RHOQ: variants seen among roughly 807,000 people sequenced by gnomAD.
The protein encoded by RHOQ is ras homolog family member Q.
Under a neutral mutation model 25.8 loss-of-function variants are expected in RHOQ, and 7 were observed. The observed-to-expected ratio is 0.27, with a 90% CI of 0.15 to 0.51. The LOEUF (loss-of-function observed/expected upper bound fraction) is 0.51, where lower values mean the gene tolerates loss of function less well. RHOQ is among the 20% of genes least tolerant of loss of function. RHOQ has a pLI of 0.97. For missense variants in RHOQ, 165 were observed against 260.6 expected, an observed-to-expected ratio of 0.63 and a Z score of 2.53; for synonymous variants, 97 against 98.6, an observed-to-expected ratio of 0.98 and a Z score of 0.10.
rs1478425709 is a variant in RHOQ, at chr2:46,583,958, T to C, written c.*2875T>C. ...CTCCCTGAAATTTTATTTAATACTT[T>C]GCTAACTTACACTCTTGTTTTATCT... On this transcript the variant is annotated 3_prime_UTR_variant, in exon 5 of 5. Coordinates refer to ENST00000238738, the MANE Select transcript of RHOQ (RefSeq NM_012249.4). Among the ~76,000 whole-genome samples the C allele has an allele frequency of 6.6e-6, 1 of 152,226 alleles. No homozygotes were observed. Among genetic ancestry groups the C allele is most frequent in the Admixed American group, 6.5e-5 (1 of 15,284 alleles).
intron 2 of RHOQ, among the ~76,000 whole-genome samples, chr2:46,553,056 G>A (rs914650631): frequency 6.6e-6 from 1 of 152,120 alleles, no homozygotes; most frequent in African/African-American, 2.4e-5. Flanking sequence ...GGATTTCCTG[G>A]GAACTTGTTA....
intron 4 of RHOQ, among the ~76,000 whole-genome samples, chr2:46,579,847 A>G (rs1669283082): frequency 6.6e-6 from 1 of 151,912 alleles, no homozygotes; most frequent in South Asian, 2.1e-4. Context: ...CTGTCTCAAA[A>G]AAAAAAAAAA....
chr2:46,576,298 T>C lies in RHOQ; in HGVS notation c.366+47T>C. On this transcript the variant is annotated intron_variant, in intron 3 of 4. Transcript: ENST00000238738. The surrounding 1 kb of genome is among the most constrained non-coding windows in gnomAD (Gnocchi z 5.1). ...GCATTTTAGAATAAGCTCTTTGGTC[T>C]GTCGTAGAGGCTGCTCTCAGACAAA... is the stretch of plus-strand genomic sequence containing the variant. 1.3e-6 allele frequency: 2 copies of C among 1,488,848 alleles called. No individual in the cohort carries two copies. The highest frequency in any genetic ancestry group is 1.8e-6 in the Non-Finnish European group (2 of 1,084,168). 92.2% of individuals were successfully genotyped at this position (1,488,848 alleles called of 1,614,324 possible).
At chr2:46,543,390 C>T in intron 1 of RHOQ, 1 of 616,512 alleles carries the variant, frequency 1.6e-6, no homozygotes, top group Non-Finnish European at 2.8e-6. Flanking sequence ...CTCCCACCCG[C>T]CCCCTACGCG....
Position 46,555,551 on chromosome 2 carries a change from CTTT to C in RHOQ, c.201+11740_201+11742del, listed in dbSNP as rs1668387266. Among the ~76,000 whole-genome samples, 1 of 152,180 alleles carries C rather than the reference CTTT, an allele frequency of 6.6e-6. No individual in the cohort carries two copies. The highest frequency in any genetic ancestry group is 1.5e-5 in the Non-Finnish European group (1 of 68,044). ...GACCTGTCTGGACATTATTGAGTGG[CTTT>C]AAAGCAGGTTATAGGTGGCGATTTG... On this transcript the variant is annotated intron_variant, in intron 2 of 4. Coordinates refer to ENST00000238738, the MANE Select transcript of RHOQ (RefSeq NM_012249.4). The surrounding 1 kb of genome is among the most constrained non-coding windows in gnomAD (Gnocchi z 4.3).
In RHOQ at chr2:46,556,954, G is replaced by C. The variant is rs1668427897; in HGVS notation, c.201+13142G>C. On this transcript the variant is annotated intron_variant, in intron 2 of 4. Transcript: ENST00000238738. This position sits in a 1 kb window ranked among gnomAD's most constrained non-coding sequence, Gnocchi z 4.9. ...TCAGCCTATAAATGAGGTTGCCAAA[G>C]AGTTAATCTACCATGTAGCCCCAGT... Among the ~76,000 whole-genome samples, 1 of 152,166 alleles carries C rather than the reference G, an allele frequency of 6.6e-6. No individual in the cohort carries two copies. Among genetic ancestry groups the C allele is most frequent in the African/African-American group, 2.4e-5 (1 of 41,424 alleles).
chr2:46,567,367 C>A lies in RHOQ; in HGVS notation c.202-8720C>A, dbSNP rs142051420. 9.2e-3 allele frequency among the ~76,000 whole-genome samples: 1,395 copies of A among 151,856 alleles called. 8 individuals are homozygous for A. The highest frequency in any genetic ancestry group is 0.015 in the Non-Finnish European group (1,028 of 67,942). On this transcript the variant is annotated intron_variant, in intron 2 of 4. Coordinates refer to ENST00000238738, the MANE Select transcript of RHOQ (RefSeq NM_012249.4). ...TGGTTTTCTGTGATGGTAAGTAAAT[C>A]CTGTGATGTTTGTTTTTTCTTTTTC...
At position 46,565,679 on chromosome 2, in the gene RHOQ, G is replaced by T. The variant is rs374512325; in HGVS notation, c.202-10408G>T. Among the ~76,000 whole-genome samples the T allele has an allele frequency of 2.6e-5, 4 of 152,344 alleles. No homozygotes were observed. The South Asian group carries it at 6.2e-4, about 24-fold the overall frequency. ...TGGTGAAGGAGGTGCAGCTAGCACT[G>T]TGCAAGCTACCTGCACAATGACTGC... On this transcript the variant is annotated intron_variant, in intron 2 of 4. Transcript: ENST00000238738.
chr2:46,576,751 G>C lies in RHOQ; in HGVS notation c.462+95G>C. 1 of 825,582 alleles carries C rather than the reference G, an allele frequency of 1.2e-6. No individual in the cohort carries two copies. The highest frequency in any genetic ancestry group is 1.8e-5 in the South Asian group (1 of 55,782). 51.1% of individuals were successfully genotyped at this position (825,582 alleles called of 1,614,324 possible). A position where few individuals can be genotyped will look rare whatever the true frequency, so the allele number is the denominator to read the frequency against. ...ATTGTGTATTTACTGTGTGCCAGGTGGAGTGCTTTACATGCATTATCTCAT... is the reference window on the plus strand; with the variant it reads ...ATTGTGTATTTACTGTGTGCCAGGTCGAGTGCTTTACATGCATTATCTCAT... On this transcript the variant is annotated intron_variant, in intron 4 of 4. Coordinates refer to ENST00000238738, the MANE Select transcript of RHOQ (RefSeq NM_012249.4). The surrounding 1 kb of genome is among the most constrained non-coding windows in gnomAD (Gnocchi z 5.1).
At position 46,552,738 on chromosome 2, in the gene RHOQ, C is replaced by A. The variant is rs533726747; in HGVS notation, c.201+8926C>A. 3.9e-5 allele frequency among the ~76,000 whole-genome samples: 6 copies of A among 152,276 alleles called. No homozygotes were observed. The South Asian group carries it at 1.2e-3, about 32-fold the overall frequency. On this transcript the variant is annotated intron_variant, in intron 2 of 4. Coordinates refer to ENST00000238738, the MANE Select transcript of RHOQ (RefSeq NM_012249.4). The surrounding 1 kb of genome is among the most constrained non-coding windows in gnomAD (Gnocchi z 5.0). Reference sequence around the variant, plus strand: ...ACATTTCCTGAGCACCAGATCTGGGCCAGGGGCAGGTGTTAGAAGATCTGT... The same window carrying A: ...ACATTTCCTGAGCACCAGATCTGGGACAGGGGCAGGTGTTAGAAGATCTGT...
At chr2:46,544,732 A>T (rs553914810) in intron 2 of RHOQ, among the ~76,000 whole-genome samples, 11 of 152,238 alleles carry the variant, frequency 7.2e-5, no homozygotes, top group African/African-American at 2.7e-4. Context: ...AAGTTTCCAC[A>T]TGTCATACAG....
intron 4 of RHOQ, among the ~76,000 whole-genome samples, chr2:46,579,307 T>C (rs1669257150): frequency 2.0e-5 from 3 of 152,200 alleles, no homozygotes. Flanking sequence ...CTCAGCTTTG[T>C]GGATGTCTTC....
intron 2 of RHOQ, among the ~76,000 whole-genome samples, chr2:46,562,808 C>T (rs1180368472): frequency 1.3e-5 from 2 of 152,130 alleles, no homozygotes. Flanking sequence ...CCTTGCCTGC[C>T]ATGTAAACCT....
In RHOQ at chr2:46,552,724, G is replaced by A. The variant is rs1373629694; in HGVS notation, c.201+8912G>A. On this transcript the variant is annotated intron_variant, in intron 2 of 4. Coordinates refer to ENST00000238738, the MANE Select transcript of RHOQ (RefSeq NM_012249.4). This position sits in a 1 kb window ranked among gnomAD's most constrained non-coding sequence, Gnocchi z 5.0. ...CAGTCAGTCAACATACATTTCCTGA[G>A]CACCAGATCTGGGCCAGGGGCAGGT... Among the ~76,000 whole-genome samples, 1 of 152,218 alleles carries A rather than the reference G, an allele frequency of 6.6e-6. No homozygotes were observed. The highest frequency in any genetic ancestry group is 2.4e-5 in the African/African-American group (1 of 41,442).
chr2:46,549,445 C>T (rs56059578), intron 2 of RHOQ, among the ~76,000 whole-genome samples: 37,842 of 152,046 alleles, frequency 0.25, 4,952 homozygotes, highest in South Asian at 0.35. Flanking sequence ...AAGTAGCTCT[C>T]CACGGGGGTG....
In RHOQ at chr2:46,570,433, T is replaced by G. The variant is rs1240659153; in HGVS notation, c.202-5654T>G. Among the ~76,000 whole-genome samples, 3 of 151,542 alleles carry G rather than the reference T, an allele frequency of 2.0e-5. No homozygotes were observed. In the East Asian group the frequency reaches 5.8e-4, roughly 29 times the overall value. On this transcript the variant is annotated intron_variant, in intron 2 of 4. Transcript: ENST00000238738. ...CTAGTCTGGGCTATAAGAGTGAGAC[T>G]TCATCTCAAAAAATAAAAAAAAAAA...
chr2:46,549,079 C>T (rs1259594124), intron 2 of RHOQ, among the ~76,000 whole-genome samples: 3 of 152,136 alleles, frequency 2.0e-5, no homozygotes, highest in Non-Finnish European at 4.4e-5. Context: ...TGTGCCCCAT[C>T]CCCATCCTGG....
At chr2:46,562,243 C>T (rs1160435670) in intron 2 of RHOQ, among the ~76,000 whole-genome samples, 1 of 152,052 alleles carries the variant, frequency 6.6e-6, no homozygotes, top group Non-Finnish European at 1.5e-5. Context: ...AGTTTTCCAC[C>T]ACTTCACCGA....
At chr2:46,561,001 AAC>A (rs61040858) in intron 2 of RHOQ, among the ~76,000 whole-genome samples, 7,046 of 141,102 alleles carry the variant, frequency 0.05, 222 homozygotes, top group East Asian at 0.064. Context: ...AGACCCCATA[AAC>A]ACACACACAC....
Sources: gnomAD v4.1 joint callset for allele counts (sites outside exome capture counted in the v4.1 genomes callset) on GRCh38, gnomAD v4.1.1 for gene constraint, Gnocchi (gnomAD v3.1) non-coding constraint, MANE v1.5 for transcripts, NCBI Gene and HGNC (gene_info 2026-07-23, HGNC 2026-07-21) for gene names.